MAGEC3: variants seen among roughly 807,000 people sequenced by gnomAD.
MAGEC3 encodes MAGE family member C3.
MAGEC3 carries 34 observed loss-of-function variants against 35.3 expected under a neutral mutation model. The ratio of observed to expected loss-of-function variants is 0.96; its 90% CI spans 0.73 to 1.28. MAGEC3 has a LOEUF of 1.28. MAGEC3 is among the 50% of genes most tolerant of loss of function. MAGEC3 has a pLI of 0.00. For synonymous variants in MAGEC3, 202 were observed against 185.6 expected, an observed-to-expected ratio of 1.09 and a Z score of -0.72; for missense variants, 561 against 483.6, an observed-to-expected ratio of 1.16 and a Z score of -1.50.
chrX:141,864,785 A>T (rs1429681500), intron 1 of MAGEC3, among the ~76,000 whole-genome samples: 2 of 111,859 alleles, frequency 1.8e-5, no homozygotes, highest in East Asian at 5.6e-4. Context: ...AATAAATTTA[A>T]AAAAAAGAAG....
intron 3 of MAGEC3, chrX:141,880,514 T>C (rs1191499114): frequency 5.0e-6 from 1 of 201,008 alleles, no homozygotes; most frequent in East Asian, 1.6e-4. Flanking sequence ...TTGCAGGTGC[T>C]CCAGGAACCA....
intron 4 of MAGEC3, among the ~76,000 whole-genome samples, chrX:141,890,273 C>T (rs890818273): frequency 9.0e-6 from 1 of 111,143 alleles, no homozygotes; most frequent in Non-Finnish European, 1.9e-5. Context: ...GGTGTGAACT[C>T]GGCTCACTGC....
intron 4 of MAGEC3, among the ~76,000 whole-genome samples, chrX:141,887,209 T>C (rs749325302): frequency 8.9e-6 from 1 of 112,705 alleles, no homozygotes; most frequent in African/African-American, 3.2e-5. Context: ...AGGCCAGCAA[T>C]ATACCTTTAC....
intron 2 of MAGEC3, among the ~76,000 whole-genome samples, chrX:141,875,083 G>A (rs769050157): frequency 9.0e-6 from 1 of 111,568 alleles, no homozygotes; most frequent in African/African-American, 3.3e-5. Context: ...AGAAAAGAAT[G>A]GATTTTACAG....
chrX:141,843,040 G>A (rs1040029650), intron 1 of MAGEC3, among the ~76,000 whole-genome samples: 2 of 111,979 alleles, frequency 1.8e-5, no homozygotes, highest in Non-Finnish European at 3.8e-5. Flanking sequence ...ATAAATCTAC[G>A]TTCTTGAAAT....
At chrX:141,879,122 G>A in intron 2 of MAGEC3, 53 bp from the exon 3 acceptor site, 1 of 1,125,511 alleles carries the variant, frequency 8.9e-7, no homozygotes, top group Non-Finnish European at 1.2e-6. Flanking sequence ...AAGGCAGGAA[G>A]GGAACACCCA....
chrX:141,894,680 G>C (rs2018070000), intron 4 of MAGEC3: 1 of 967,412 alleles, frequency 1.0e-6, no homozygotes, highest in African/African-American at 2.0e-5. Context: ...GGAGCCCCGG[G>C]GCTGGCCAAC....
intron 1 of MAGEC3, among the ~76,000 whole-genome samples, chrX:141,857,653 GT>G (rs745909645): frequency 4.0e-4 from 44 of 110,943 alleles, no homozygotes; most frequent in African/African-American, 1.4e-3. Context: ...TGCCTGGAAT[GT>G]TCTTTCCTAT....
At chrX:141,853,226 A>G (rs2017761613) in intron 1 of MAGEC3, among the ~76,000 whole-genome samples, 1 of 111,507 alleles carries the variant, frequency 9.0e-6, no homozygotes, top group African/African-American at 3.3e-5. Flanking sequence ...TGAAGGTAAT[A>G]AGTGGCAAAG....
At chrX:141,896,703 G>A (rs376430695) in intron 6 of MAGEC3, 179 bp from the exon 7 acceptor site, 247 of 1,209,963 alleles carry the variant, frequency 2.0e-4, no homozygotes, top group Middle Eastern at 6.9e-4. Context: ...AAGACTTCCA[G>A]AACCCGAGTG....
At position 141,897,085 on chromosome X, in the gene MAGEC3, C is replaced by T. The variant is rs1489689403; in HGVS notation, c.1327C>T (p.His443Tyr). The T allele has an allele frequency of 1.7e-6, 2 of 1,209,902 alleles. No homozygotes were observed. Among genetic ancestry groups the T allele is most frequent in the Non-Finnish European group, 2.2e-6 (2 of 895,185 alleles). Residue 443 changes from histidine (H) to tyrosine (Y), a missense_variant, in exon 7 of 8, where the codon CAT becomes TAT. Coordinates refer to ENST00000298296, the MANE Select transcript of MAGEC3 (RefSeq NM_138702.1). Reference protein sequence around the residue: ...SSEEEDTATWHALPESESLPR... With the variant: ...SSEEEDTATWYALPESESLPR... ...TGAAGAGGAGGATACAGCTACTTGG[C>T]ATGCCTTGCCAGAAAGTGAATCCTT... is the stretch of plus-strand genomic sequence containing the variant.
In MAGEC3 at chrX:141,865,462, C is replaced by T. The variant is rs760176746; in HGVS notation, c.124-9C>T. On this transcript the variant is annotated splice_polypyrimidine_tract_variant and intron_variant, in intron 1 of 7. Coordinates refer to ENST00000298296, the MANE Select transcript of MAGEC3 (RefSeq NM_138702.1). ...GCCTAGTCCTGCCCCTGATATTTGA[C>T]CTGAGTAGCCCCGGAAAAAGGCCAC... The T allele has an allele frequency of 3.3e-6, 4 of 1,202,357 alleles. No individual in the cohort carries two copies.
chrX:141,874,136 T>C (rs984990868), intron 2 of MAGEC3, among the ~76,000 whole-genome samples: 1 of 112,284 alleles, frequency 8.9e-6, no homozygotes, highest in African/African-American at 3.2e-5. Context: ...CAGCTAATTA[T>C]ACCAGAACAA....
chrX:141,887,322 A>T (rs1227701925), intron 4 of MAGEC3, among the ~76,000 whole-genome samples: 7 of 112,381 alleles, frequency 6.2e-5, no homozygotes, highest in Admixed American at 5.7e-4. Flanking sequence ...GGTCGACTAC[A>T]TTGATGACAT....
chrX:141,866,475 T>A (rs2017849868), intron 2 of MAGEC3, among the ~76,000 whole-genome samples: 1 of 112,164 alleles, frequency 8.9e-6, no homozygotes, highest in South Asian at 3.7e-4. Flanking sequence ...GATGACAATG[T>A]GAAAAAACAA....
chrX:141,883,549 G>A (rs1463010014), intron 4 of MAGEC3, among the ~76,000 whole-genome samples: 1 of 112,108 alleles, frequency 8.9e-6, no homozygotes, highest in Non-Finnish European at 1.9e-5. Flanking sequence ...ACTGGTTCTA[G>A]GGATGTAATC....
Position 141,881,487 on chromosome X carries a change from A to G in MAGEC3, c.600A>G (p.Gln200=). ...KLVQFLLLKY[Q]AKEPLTRAEM... is the part of the protein sequence containing the mutation. Reference sequence around the variant, plus strand: ...TGCAGTTTCTTCTCCTCAAATATCAAGCAAAAGAGCCTCTCACAAGAGCAG... The same window carrying G: ...TGCAGTTTCTTCTCCTCAAATATCAGGCAAAAGAGCCTCTCACAAGAGCAG... The change falls in exon 4 of 8, where the codon CAA becomes CAG. Residue 200 remains glutamine (Q), a synonymous_variant. Coordinates refer to ENST00000298296, the MANE Select transcript of MAGEC3 (RefSeq NM_138702.1). 8.3e-7 allele frequency: 1 copy of G among 1,211,414 alleles called. No individual in the cohort carries two copies. Among genetic ancestry groups the G allele is most frequent in the African/African-American group, 1.7e-5 (1 of 57,708 alleles).
intron 1 of MAGEC3, among the ~76,000 whole-genome samples, chrX:141,858,978 C>G (rs1442426730): frequency 1.8e-5 from 2 of 110,200 alleles, no homozygotes; most frequent in Non-Finnish European, 1.9e-5. Context: ...TTGTGTAACT[C>G]TAATTCATTA....
Position 141,895,410 on chromosome X carries a change from A to G in MAGEC3, c.1048+3A>G, listed in dbSNP as rs2018081196. On this transcript the variant is annotated splice_donor_region_variant and intron_variant, in intron 5 of 7. Transcript: ENST00000298296. ...CTTAGACCTGGCCAATCCTCAAGGT[A>G]AGGGCCCTAAGGGAGAACTGAGGGA... 2 of 1,200,944 alleles carry G rather than the reference A, an allele frequency of 1.7e-6. No homozygotes were observed. Among genetic ancestry groups the G allele is most frequent in the East Asian group, 3.0e-5 (1 of 33,307 alleles).
Sources: gnomAD v4.1 joint callset for allele counts (sites outside exome capture counted in the v4.1 genomes callset) on GRCh38, gnomAD v4.1.1 for gene constraint, MANE v1.5 for transcripts, NCBI Gene and HGNC (gene_info 2026-07-23, HGNC 2026-07-21) for gene names.